Variants in SNTG1 observed in about 807,000 individuals in gnomAD.
SNTG1 encodes syntrophin gamma 1.
SNTG1 carries 39 observed loss-of-function variants against 74.7 expected under a neutral mutation model. The ratio of observed to expected loss-of-function variants is 0.52; its 90% CI spans 0.40 to 0.68. The LOEUF is 0.68. Among genes scored for constraint, SNTG1 ranks in the 30% least tolerant of loss-of-function variants. The probability of loss-of-function intolerance (pLI) is 0.00; values close to 1 mark genes in which losing one functional copy is unlikely to be tolerated. For missense variants in SNTG1, 685 were observed against 609.5 expected (o/e 1.12, Z -1.30); for synonymous variants, 254 against 217.1 (o/e 1.17, Z -1.49).
chr8:50,770,183 A>G (rs1443956921), intron 18 of SNTG1, among the ~76,000 whole-genome samples: 1 of 152,124 alleles, frequency 6.6e-6, no homozygotes, highest in South Asian at 2.1e-4. Flanking sequence ...CATTTTAAGA[A>G]ATCAAAAGTG....
chr8:50,194,658 A>G (rs1459953195), intron 2 of SNTG1, among the ~76,000 whole-genome samples: 1 of 151,832 alleles, frequency 6.6e-6, no homozygotes, highest in African/African-American at 2.4e-5. Context: ...TTTTGGTTTC[A>G]ATTTCATTTA....
intron 13 of SNTG1, among the ~76,000 whole-genome samples, chr8:50,628,705 T>TG (rs1164870186): frequency 6.6e-6 from 1 of 152,188 alleles, no homozygotes; most frequent in Non-Finnish European, 1.5e-5. Flanking sequence ...CCTTTTTGCT[T>TG]TACTCTCTTA....
chr8:50,750,018 G>C (rs765147843), intron 17 of SNTG1, among the ~76,000 whole-genome samples: 114 of 151,896 alleles, frequency 7.5e-4, no homozygotes, highest in Non-Finnish European at 1.5e-3. Context: ...ATGGATCTTG[G>C]CAGTCAATTA....
At chr8:50,216,016 C>G (rs1302882654) in intron 2 of SNTG1, among the ~76,000 whole-genome samples, 1 of 152,152 alleles carries the variant, frequency 6.6e-6, no homozygotes, top group Non-Finnish European at 1.5e-5. Flanking sequence ...CAGAGAGTGT[C>G]TATCTCACTC....
intron 1 of SNTG1, among the ~76,000 whole-genome samples, chr8:50,035,008 A>T (rs1446856649): frequency 1.3e-5 from 2 of 152,168 alleles, no homozygotes; most frequent in Admixed American, 6.5e-5. Context: ...CTGCACTCCA[A>T]GTTGTCTTTC....
chr8:50,784,719 A>T (rs2095669837), intron 18 of SNTG1, among the ~76,000 whole-genome samples: 1 of 152,198 alleles, frequency 6.6e-6, no homozygotes, highest in African/African-American at 2.4e-5. Flanking sequence ...CCAATTACAG[A>T]AGAACATACA....
chr8:50,660,389 G>T (rs1240661193), intron 15 of SNTG1, among the ~76,000 whole-genome samples: 1 of 85,650 alleles, frequency 1.2e-5, no homozygotes, highest in African/African-American at 3.9e-5. Flanking sequence ...AAGGAAGGAA[G>T]GAAGAAAAAG....
intron 8 of SNTG1, among the ~76,000 whole-genome samples, chr8:50,478,371 C>T (rs2093713176): frequency 6.6e-6 from 1 of 151,916 alleles, no homozygotes; most frequent in Non-Finnish European, 1.5e-5. Context: ...TTTTGGATTC[C>T]AACATATCTA....
chr8:50,291,812 T>C (rs1164045087), intron 2 of SNTG1, among the ~76,000 whole-genome samples: 1 of 152,074 alleles, frequency 6.6e-6, no homozygotes, highest in Non-Finnish European at 1.5e-5. Flanking sequence ...TAAAGCTAAG[T>C]AGAAGGCATA....
At chr8:50,534,352 G>T (rs1380340461) in intron 10 of SNTG1, among the ~76,000 whole-genome samples, 1 of 152,102 alleles carries the variant, frequency 6.6e-6, no homozygotes, top group African/African-American at 2.4e-5. Flanking sequence ...AGCTGGGTGG[G>T]TCCTGGGCCA....
intron 1 of SNTG1, among the ~76,000 whole-genome samples, chr8:50,057,955 A>G: frequency 6.6e-6 from 1 of 152,238 alleles, no homozygotes; most frequent in Middle Eastern, 3.4e-3. Context: ...ATTGAATATT[A>G]TTTGCATGTA....
At chr8:50,027,182 A>G (rs934828758) in intron 1 of SNTG1, among the ~76,000 whole-genome samples, 4 of 151,994 alleles carry the variant, frequency 2.6e-5, no homozygotes, top group Non-Finnish European at 5.9e-5. Flanking sequence ...TCAAAGGGGG[A>G]ATTAAGTTCA....
intron 2 of SNTG1, among the ~76,000 whole-genome samples, chr8:50,351,292 T>C (rs566973871): frequency 6.6e-6 from 1 of 152,252 alleles, no homozygotes; most frequent in African/African-American, 2.4e-5. Context: ...CCAGGACAAG[T>C]TGGGTACTTT....
chr8:50,659,342 T>C (rs756999967), intron 15 of SNTG1, among the ~76,000 whole-genome samples: 3 of 152,162 alleles, frequency 2.0e-5, no homozygotes, highest in Non-Finnish European at 4.4e-5. Flanking sequence ...CTTTAGGGTT[T>C]GTAGGCTTGG....
At chr8:50,410,900 T>A (rs1323170623) in intron 4 of SNTG1, among the ~76,000 whole-genome samples, 1 of 152,216 alleles carries the variant, frequency 6.6e-6, no homozygotes, top group Non-Finnish European at 1.5e-5. Flanking sequence ...TATCCATTCA[T>A]CTGTTGATAG....
chr8:50,736,068 T>C (rs769472248), intron 17 of SNTG1, among the ~76,000 whole-genome samples: 6 of 151,874 alleles, frequency 4.0e-5, no homozygotes, highest in Non-Finnish European at 4.4e-5. Context: ...AACAAGCAAA[T>C]GCTGAGAGAT....
intron 17 of SNTG1, among the ~76,000 whole-genome samples, chr8:50,741,361 G>A (rs553315472): frequency 6.6e-6 from 1 of 152,094 alleles, no homozygotes; most frequent in African/African-American, 2.4e-5. Flanking sequence ...GACCTCAGGT[G>A]ATCTTCCCGC....
chr8:50,532,608 C>A (rs900406168), intron 10 of SNTG1, among the ~76,000 whole-genome samples: 1 of 152,158 alleles, frequency 6.6e-6, no homozygotes, highest in Non-Finnish European at 1.5e-5. Flanking sequence ...ACCGTGCAGG[C>A]TTGCACAGCC....
chr8:50,374,135 GC>G (rs1368090353), intron 2 of SNTG1, among the ~76,000 whole-genome samples: 6 of 152,204 alleles, frequency 3.9e-5, no homozygotes, highest in African/African-American at 9.6e-5. Context: ...ATGGCATTCT[GC>G]CACAATTTTC....
Sources: allele counts gnomAD v4.1 joint callset (sites outside exome capture counted in the v4.1 genomes callset), GRCh38; gene constraint gnomAD v4.1.1; transcripts MANE v1.5; gene names NCBI Gene and HGNC (gene_info 2026-07-23, HGNC 2026-07-21).